LRP1B: variants seen among roughly 807,000 people sequenced by gnomAD.
LRP1B encodes the protein LDL receptor related protein 1B.
In LRP1B, 217 loss-of-function variants were observed where a neutral mutation model predicts 556.6. The ratio of observed to expected loss-of-function variants is 0.39; its 90% CI spans 0.35 to 0.44. LRP1B has a LOEUF of 0.44. LRP1B is among the 20% of genes least tolerant of loss of function. The pLI is 1.00. For synonymous variants in LRP1B, 2,047 were observed against 1,865.8 expected, an observed-to-expected ratio of 1.10 and a Z score of -2.50; for missense variants, 5,053 against 5,620.8, an observed-to-expected ratio of 0.90 and a Z score of 3.23.
At chr2:140,646,074 A>T (rs1297974607) in intron 41 of LRP1B, among the ~76,000 whole-genome samples, 1 of 152,154 alleles carries the variant, frequency 6.6e-6, no homozygotes, top group Non-Finnish European at 1.5e-5. Context: ...TAATTTCTTT[A>T]TACAACGCTC....
In LRP1B at chr2:141,046,629, C is replaced by T. The variant is rs528279941; in HGVS notation, c.1789+2357G>A. On this transcript the variant is annotated intron_variant, in intron 11 of 90. Transcript: ENST00000389484. ...TGGCGGTCATTGTGGCTATTAGAGT[C>T]GATCTCTGTTGTGATAGGTGGAATG... is the stretch of plus-strand genomic sequence containing the variant. Among the ~76,000 whole-genome samples, 210 of 152,150 alleles carry T rather than the reference C, an allele frequency of 1.4e-3. 2 individuals carry two copies. The highest frequency in any genetic ancestry group is 4.5e-3 in the African/African-American group (187 of 41,526).
intron 18 of LRP1B, among the ~76,000 whole-genome samples, chr2:140,978,043 C>T (rs1696657464): frequency 6.6e-6 from 1 of 152,166 alleles, no homozygotes; most frequent in Non-Finnish European, 1.5e-5. Flanking sequence ...CTCTTGTCTG[C>T]ATCACCAATT....
intron 12 of LRP1B, among the ~76,000 whole-genome samples, chr2:141,018,180 C>T (rs1418090104): frequency 6.6e-6 from 1 of 151,912 alleles, no homozygotes; most frequent in African/African-American, 2.4e-5. Flanking sequence ...TGGCCTTCTG[C>T]TAATATAGCA....
intron 2 of LRP1B, among the ~76,000 whole-genome samples, chr2:141,620,908 T>G (rs2105335405): frequency 6.6e-6 from 1 of 151,328 alleles, no homozygotes; most frequent in Non-Finnish European, 1.5e-5. Context: ...CCAAACTGAA[T>G]TTTCTTCCAA....
At chr2:140,641,937 A>C (rs1574180670) in intron 41 of LRP1B, among the ~76,000 whole-genome samples, 1 of 152,398 alleles carries the variant, frequency 6.6e-6, no homozygotes, top group African/African-American at 2.4e-5. Flanking sequence ...AATCCAGAAC[A>C]ATGTAGCAAA....
chr2:140,743,997 AAG>A lies in LRP1B; in HGVS notation c.5758+25214_5758+25215del, dbSNP rs1559090779. 3.5e-4 allele frequency among the ~76,000 whole-genome samples: 49 copies of A among 141,594 alleles called. 5 individuals carry two copies. The highest frequency in any genetic ancestry group is 5.3e-4 in the Non-Finnish European group (34 of 64,240). The allele number at this position is 141,594 out of a possible 152,430, so 92.9% of individuals were successfully genotyped here. A position where few individuals can be genotyped will look rare whatever the true frequency, so the allele number is the denominator to read the frequency against. ...AAAAAAAAAAAAAAAAAAAAGTAAA[AAG>A]TAAAATCCATAGACATAGACTAAAA... is the stretch of plus-strand genomic sequence containing the variant. On this transcript the variant is annotated intron_variant, in intron 35 of 90. Coordinates refer to ENST00000389484, the MANE Select transcript of LRP1B (RefSeq NM_018557.3).
chr2:142,038,441 T>C (rs1269213929), intron 1 of LRP1B, among the ~76,000 whole-genome samples: 1 of 151,636 alleles, frequency 6.6e-6, no homozygotes, highest in Non-Finnish European at 1.5e-5. Context: ...ATTTGGTACA[T>C]TTAGTTCTCA....
chr2:141,888,246 T>G (rs970213179), intron 1 of LRP1B, among the ~76,000 whole-genome samples: 1 of 152,216 alleles, frequency 6.6e-6, no homozygotes, highest in Non-Finnish European at 1.5e-5. Context: ...AGTATTGTAT[T>G]GCTATTTCCC....
intron 10 of LRP1B, among the ~76,000 whole-genome samples, chr2:141,052,691 AT>A (rs560591588): frequency 3.6e-4 from 54 of 152,062 alleles, no homozygotes; most frequent in African/African-American, 1.2e-3. Flanking sequence ...TACAGCACCC[AT>A]TTTGCTAATA....
At chr2:141,333,024 T>G (rs989266194) in intron 3 of LRP1B, among the ~76,000 whole-genome samples, 1 of 152,076 alleles carries the variant, frequency 6.6e-6, no homozygotes, top group Non-Finnish European at 1.5e-5. Flanking sequence ...TTAAAATCTT[T>G]TTTTAACATT....
intron 2 of LRP1B, among the ~76,000 whole-genome samples, chr2:141,738,002 G>A (rs1380130770): frequency 1.3e-5 from 2 of 151,804 alleles, no homozygotes; most frequent in Non-Finnish European, 2.9e-5. Context: ...TGTTGTAATT[G>A]CTCCATTTTA....
chr2:140,302,963 T>TCCTCAGG (rs1367087969), intron 83 of LRP1B, among the ~76,000 whole-genome samples: 6 of 145,746 alleles, frequency 4.1e-5, no homozygotes, highest in African/African-American at 1.5e-4. Flanking sequence ...ACCATTGAAC[T>TCCTCAGG]CCTCAGGCTC....
intron 2 of LRP1B, among the ~76,000 whole-genome samples, chr2:141,491,006 C>G (rs1044914366): frequency 6.7e-6 from 1 of 149,594 alleles, no homozygotes; most frequent in African/African-American, 2.5e-5. Context: ...TAGGTTCTTT[C>G]ATGGGTGATA....
At chr2:140,241,140 G>T (rs539217246) in intron 87 of LRP1B, among the ~76,000 whole-genome samples, 14 of 150,988 alleles carry the variant, frequency 9.3e-5, no homozygotes, top group African/African-American at 3.4e-4. Context: ...TATGGTGTTT[G>T]ATATTACTAT....
intron 7 of LRP1B, among the ~76,000 whole-genome samples, chr2:141,138,492 G>A (rs1701544693): frequency 6.6e-6 from 1 of 151,692 alleles, no homozygotes; most frequent in Non-Finnish European, 1.5e-5. Context: ...TGCCATGATT[G>A]TCTATATAGA....
rs187861957 is a variant in LRP1B at position 140,931,213 on chromosome 2, A to G, written c.3137-8066T>C. The stretch of plus-strand genomic sequence containing the variant: ...AGCCTAAGTCTTTCTTCTTAAATCA[A>G]CTAGTCCTTATCCCATTGGACCTTC... On this transcript the variant is annotated intron_variant, in intron 20 of 90. Transcript: ENST00000389484. Among the ~76,000 whole-genome samples the G allele has an allele frequency of 3.3e-3, 506 of 152,250 alleles. 2 individuals are homozygous for G. The highest frequency in any genetic ancestry group is 0.01 in the African/African-American group (420 of 41,544).
At chr2:140,847,930 G>C (rs1038741676) in intron 29 of LRP1B, among the ~76,000 whole-genome samples, 14 of 152,010 alleles carry the variant, frequency 9.2e-5, no homozygotes, top group African/African-American at 3.4e-4. Context: ...ATAGAAGTAA[G>C]TCTTGATGAT....
intron 27 of LRP1B, among the ~76,000 whole-genome samples, chr2:140,857,139 C>T (rs918682077): frequency 6.6e-6 from 1 of 152,064 alleles, no homozygotes; most frequent in Non-Finnish European, 1.5e-5. Flanking sequence ...TCCAAACAAC[C>T]AGTTTTTCCA....
At chr2:141,247,582 T>C (rs1684113809) in intron 4 of LRP1B, among the ~76,000 whole-genome samples, 1 of 152,200 alleles carries the variant, frequency 6.6e-6, no homozygotes, top group Non-Finnish European at 1.5e-5. Flanking sequence ...AAAAGAAGAT[T>C]ATTTGCATTT....
Sources: allele counts gnomAD v4.1 joint callset (sites outside exome capture counted in the v4.1 genomes callset), GRCh38; gene constraint gnomAD v4.1.1; transcripts MANE v1.5; gene names NCBI Gene and HGNC (gene_info 2026-07-23, HGNC 2026-07-21).